The following CFAP44 variants were observed in gnomAD, a reference collection of about 807,000 sequenced individuals.
CFAP44 encodes the protein cilia and flagella associated protein 44, also known as cilia- and flagella-associated protein 44.
A neutral mutation model predicts 216.2 loss-of-function variants in CFAP44; 134 were observed. The ratio of observed to expected loss-of-function variants is 0.62; its 90% CI spans 0.54 to 0.72. The LOEUF (loss-of-function observed/expected upper bound fraction) is 0.72, where lower values mean the gene tolerates loss of function less well. Ranked by LOEUF, CFAP44 falls within the 30% of genes least tolerant of loss-of-function variation. The probability of loss-of-function intolerance (pLI) is 0.00; values close to 1 mark genes in which losing one functional copy is unlikely to be tolerated. For synonymous variants in CFAP44, 700 were observed against 727.6 expected, an observed-to-expected ratio of 0.96 and a Z score of 0.61; for missense variants, 2,035 against 2,182.1, an observed-to-expected ratio of 0.93 and a Z score of 1.34.
At chr3:113,418,713 G>GT (rs957206066) in intron 5 of CFAP44, among the ~76,000 whole-genome samples, 200 of 147,924 alleles carry the variant, frequency 1.4e-3, no homozygotes, top group African/African-American at 3.5e-3. Flanking sequence ...TGTTTTTTGG[G>GT]TTTTTTTTTT....
chr3:113,410,369 A>G (rs1315254648), intron 6 of CFAP44, among the ~76,000 whole-genome samples: 1 of 152,082 alleles, frequency 6.6e-6, no homozygotes, highest in African/African-American at 2.4e-5. Context: ...TCATTGGTCA[A>G]TTCCCACCTA....
chr3:113,386,570 T>C (rs1933654316), intron 15 of CFAP44, among the ~76,000 whole-genome samples: 1 of 152,132 alleles, frequency 6.6e-6, no homozygotes, highest in Non-Finnish European at 1.5e-5. Flanking sequence ...AATCAATAAG[T>C]CTTCCTGAAC....
intron 6 of CFAP44, among the ~76,000 whole-genome samples, chr3:113,414,467 G>A (rs1297327932): frequency 1.3e-5 from 2 of 152,086 alleles, no homozygotes; most frequent in African/African-American, 4.8e-5. Context: ...TCCAACTTTT[G>A]CCCATTCAAT....
At chr3:113,363,565 A>G in intron 19 of CFAP44, 33 bp from the exon 20 acceptor site, 3 of 1,541,200 alleles carry the variant, frequency 1.9e-6, no homozygotes, top group Non-Finnish European at 2.6e-6. Context: ...TTAGCCCTTT[A>G]AAATTGCATA....
chr3:113,413,719 A>C (rs1478183110), intron 6 of CFAP44, among the ~76,000 whole-genome samples: 2 of 151,992 alleles, frequency 1.3e-5, no homozygotes, highest in Admixed American at 1.3e-4. Context: ...ATTGGTCTAT[A>C]TGTCTGTTTT....
intron 13 of CFAP44, among the ~76,000 whole-genome samples, chr3:113,397,497 T>G (rs1203194364): frequency 6.6e-6 from 1 of 152,152 alleles, no homozygotes; most frequent in African/African-American, 2.4e-5. Flanking sequence ...GGTAGTGACA[T>G]GGTCAGATTT....
intron 28 of CFAP44, among the ~76,000 whole-genome samples, chr3:113,316,381 C>T (rs192425216): frequency 2.0e-5 from 3 of 151,626 alleles, no homozygotes; most frequent in Admixed American, 1.3e-4. Flanking sequence ...AAAACCTAAA[C>T]ATGGAAGTAT....
chr3:113,369,340 A>G (rs896812324), intron 18 of CFAP44, among the ~76,000 whole-genome samples: 4 of 152,072 alleles, frequency 2.6e-5, no homozygotes, highest in African/African-American at 9.7e-5. Flanking sequence ...GAAGTAAAAC[A>G]CTCCTCAGCA....
At chr3:113,406,900 A>G in intron 8 of CFAP44, 27 bp downstream of exon 8, 2 of 1,541,574 alleles carry the variant, frequency 1.3e-6, no homozygotes, top group Non-Finnish European at 1.8e-6. Flanking sequence ...CACAATTTTA[A>G]TATTGTAGAA....
At chr3:113,395,533 G>C (rs1482502083) in intron 15 of CFAP44, among the ~76,000 whole-genome samples, 1 of 152,318 alleles carries the variant, frequency 6.6e-6, no homozygotes, top group Admixed American at 6.5e-5. Flanking sequence ...GCCCACGGAA[G>C]AGAAAGGAGG....
At chr3:113,316,920 C>G (rs1379573114) in intron 28 of CFAP44, among the ~76,000 whole-genome samples, 2 of 149,510 alleles carry the variant, frequency 1.3e-5, no homozygotes, top group Non-Finnish European at 3.0e-5. Flanking sequence ...CAACTAGAAA[C>G]AGCCAGGAAG....
chr3:113,387,002 T>G (rs924755044), intron 15 of CFAP44, among the ~76,000 whole-genome samples: 1 of 152,036 alleles, frequency 6.6e-6, no homozygotes, highest in African/African-American at 2.4e-5. Flanking sequence ...CCAGCCCGAG[T>G]CAGAGGGGAA....
chr3:113,310,165 C>A (rs1341876722), intron 28 of CFAP44, among the ~76,000 whole-genome samples: 1 of 152,162 alleles, frequency 6.6e-6, no homozygotes, highest in Non-Finnish European at 1.5e-5. Context: ...CCAGCCTCAC[C>A]CCCACCCTCA....
intron 15 of CFAP44, among the ~76,000 whole-genome samples, chr3:113,393,717 T>C (rs1319747644): frequency 2.0e-5 from 3 of 152,334 alleles, no homozygotes; most frequent in East Asian, 1.9e-4. Flanking sequence ...GGTTTCACTA[T>C]GTTGCCCAAG....
At chr3:113,292,166 A>G (rs1469757000) in intron 34 of CFAP44, among the ~76,000 whole-genome samples, 2 of 152,054 alleles carry the variant, frequency 1.3e-5, no homozygotes, top group African/African-American at 4.8e-5. Flanking sequence ...ACTTTCAGGG[A>G]GGCCTTCTTT....
chr3:113,386,975 C>T (rs907499900), intron 15 of CFAP44, among the ~76,000 whole-genome samples: 3 of 152,166 alleles, frequency 2.0e-5, no homozygotes, highest in Non-Finnish European at 4.4e-5. Flanking sequence ...CCAGTGCCCA[C>T]AGACAGAGTA....
intron 21 of CFAP44, chr3:113,361,089 G>T: frequency 4.4e-6 from 1 of 227,428 alleles, no homozygotes; most frequent in South Asian, 6.4e-5. Context: ...TGATTTACTT[G>T]GTTAGTGGTT....
At position 113,414,397 on chromosome 3, in the gene CFAP44, T is replaced by C. The variant is rs922826219; in HGVS notation, c.673+2128A>G. Among the ~76,000 whole-genome samples, 8 of 152,320 alleles carry C rather than the reference T, an allele frequency of 5.3e-5. No individual in the cohort carries two copies. In the South Asian group the frequency reaches 1.7e-3, roughly 32 times the overall value. ...CCTGTCCAGAACTTCCAATACTATG[T>C]TGAATAGGAGTGGTGAGAGAGGGCA... On this transcript the variant is annotated intron_variant, in intron 6 of 34. Transcript: ENST00000393845.
chr3:113,340,966 T>C (rs558718555), intron 24 of CFAP44, among the ~76,000 whole-genome samples: 2 of 152,044 alleles, frequency 1.3e-5, no homozygotes, highest in South Asian at 2.1e-4. Context: ...CCAGCCCGAC[T>C]GTCCCGCCAA....
Sources: allele counts gnomAD v4.1 joint callset (sites outside exome capture counted in the v4.1 genomes callset), GRCh38; gene constraint gnomAD v4.1.1; transcripts MANE v1.5; gene names NCBI Gene and HGNC (gene_info 2026-07-23, HGNC 2026-07-21).